LRMDA: variants seen among roughly 807,000 people sequenced by gnomAD.
LRMDA encodes the protein leucine rich melanocyte differentiation associated.
LRMDA carries 18 observed loss-of-function variants against 29.8 expected under a neutral mutation model. That is an observed-to-expected ratio of 0.60 (90% CI 0.42 to 0.90). LRMDA has a LOEUF of 0.90. Among genes scored for constraint, LRMDA ranks in the 40% least tolerant of loss-of-function variants. LRMDA has a pLI of 0.00. For synonymous variants in LRMDA, 125 were observed against 109.4 expected (o/e 1.14, Z -0.89); for missense variants, 273 against 273.9 (o/e 1.00, Z 0.02).
intron 5 of LRMDA, among the ~76,000 whole-genome samples, chr10:76,148,053 C>G (rs893213093): frequency 6.6e-6 from 1 of 152,144 alleles, no homozygotes; most frequent in Admixed American, 6.5e-5. Flanking sequence ...GAAGTTTTGT[C>G]TCAGAGGAGT....
intron 2 of LRMDA, among the ~76,000 whole-genome samples, chr10:75,463,975 T>C (rs1844622249): frequency 6.6e-6 from 1 of 151,802 alleles, no homozygotes; most frequent in African/African-American, 2.4e-5. Flanking sequence ...CTAATTTTTG[T>C]ATTTTTAGTA....
intron 5 of LRMDA, among the ~76,000 whole-genome samples, chr10:76,309,955 A>G: frequency 6.6e-6 from 1 of 152,232 alleles, no homozygotes; most frequent in Non-Finnish European, 1.5e-5. Flanking sequence ...TCCTAATGCG[A>G]TTAATCAAGA....
At chr10:75,494,171 A>G (rs1270936410) in intron 2 of LRMDA, among the ~76,000 whole-genome samples, 2 of 152,226 alleles carry the variant, frequency 1.3e-5, no homozygotes, top group African/African-American at 4.8e-5. Context: ...TGATGAATCC[A>G]TGTTTCTTTC....
intron 5 of LRMDA, among the ~76,000 whole-genome samples, chr10:76,260,301 G>A (rs73286994): frequency 0.012 from 1,817 of 151,934 alleles, 34 homozygotes; most frequent in African/African-American, 0.041. Context: ...GCCATTTTTT[G>A]CATGTTTTCA....
At chr10:76,323,505 A>T (rs1021851647) in intron 5 of LRMDA, among the ~76,000 whole-genome samples, 1 of 152,184 alleles carries the variant, frequency 6.6e-6, no homozygotes, top group Non-Finnish European at 1.5e-5. Flanking sequence ...ATATTAAAAA[A>T]AAAAGCTACA....
chr10:76,453,076 A>G (rs1459500822), intron 6 of LRMDA, among the ~76,000 whole-genome samples: 1 of 152,230 alleles, frequency 6.6e-6, no homozygotes, highest in Non-Finnish European at 1.5e-5. Context: ...TATAATGTTC[A>G]CAGAGGTCTC....
chr10:76,008,686 G>A (rs935329714), intron 2 of LRMDA, among the ~76,000 whole-genome samples: 2 of 152,210 alleles, frequency 1.3e-5, no homozygotes, highest in African/African-American at 4.8e-5. Flanking sequence ...GCAGTGTTTC[G>A]GATCAGAGAA....
chr10:75,948,400 G>A (rs1414221331), intron 2 of LRMDA, among the ~76,000 whole-genome samples: 1 of 152,168 alleles, frequency 6.6e-6, no homozygotes, highest in Non-Finnish European at 1.5e-5. Context: ...GGGCATATTA[G>A]TGGTATCTTT....
chr10:75,601,536 G>T (rs1238923887), intron 2 of LRMDA, among the ~76,000 whole-genome samples: 1 of 151,946 alleles, frequency 6.6e-6, no homozygotes, highest in Admixed American at 6.6e-5. Context: ...GTTTTGTTTT[G>T]TTTTTTCTGG....
chr10:76,296,997 G>A (rs1213065272), intron 5 of LRMDA, among the ~76,000 whole-genome samples: 1 of 152,210 alleles, frequency 6.6e-6, no homozygotes, highest in African/African-American at 2.4e-5. Context: ...TTGATGGGCA[G>A]AGCCATGGAA....
At chr10:76,363,169 GAAAGAAA>G (rs1564520629) in intron 6 of LRMDA, among the ~76,000 whole-genome samples, 1,256 of 39,508 alleles carry the variant, frequency 0.032, 61 homozygotes, top group Middle Eastern at 0.077. Context: ...AAGAAAGAAA[GAAAGAAA>G]GGAGGGAGGG....
chr10:76,189,215 G>T (rs1176319372), intron 5 of LRMDA, among the ~76,000 whole-genome samples: 6 of 152,088 alleles, frequency 3.9e-5, no homozygotes, highest in Non-Finnish European at 8.8e-5. Context: ...AAATTAGCTG[G>T]GCATGGTGGT....
chr10:76,001,968 C>A (rs141988121), intron 2 of LRMDA, among the ~76,000 whole-genome samples: 12 of 152,128 alleles, frequency 7.9e-5, no homozygotes, highest in African/African-American at 2.9e-4. Context: ...GAAGAACTGC[C>A]GTTTCTACTT....
intron 2 of LRMDA, among the ~76,000 whole-genome samples, chr10:75,564,684 C>T (rs983761574): frequency 3.3e-4 from 50 of 152,346 alleles, no homozygotes; most frequent in Middle Eastern, 3.4e-3. Context: ...TGGCTGCCCT[C>T]TCTGGAGTAT....
chr10:76,506,391 G>C (rs1045462850), intron 6 of LRMDA, among the ~76,000 whole-genome samples: 1 of 152,008 alleles, frequency 6.6e-6, no homozygotes, highest in African/African-American at 2.4e-5. Flanking sequence ...GTATACACCA[G>C]CTCCATTCAT....
intron 2 of LRMDA, among the ~76,000 whole-genome samples, chr10:76,000,301 G>C (rs1387070649): frequency 6.6e-6 from 1 of 152,156 alleles, no homozygotes; most frequent in Non-Finnish European, 1.5e-5. Context: ...AATAATTAGG[G>C]AACGTGTGAA....
At chr10:76,283,111 G>A (rs1357222872) in intron 5 of LRMDA, among the ~76,000 whole-genome samples, 1 of 152,202 alleles carries the variant, frequency 6.6e-6, no homozygotes, top group Admixed American at 6.5e-5. Context: ...AGGGTGTACA[G>A]TTAGCTCCCC....
chr10:75,562,934 C>G (rs1840317838), intron 2 of LRMDA, among the ~76,000 whole-genome samples: 1 of 152,120 alleles, frequency 6.6e-6, no homozygotes, highest in Non-Finnish European at 1.5e-5. Context: ...TGAGGGTAAC[C>G]CGACCTTTCT....
At position 76,500,983 on chromosome 10, in the gene LRMDA, G is replaced by A. The variant is rs1434674025; in HGVS notation, c.602-56226G>A. Among the ~76,000 whole-genome samples, 7 of 74,034 alleles carry A rather than the reference G, an allele frequency of 9.5e-5. 3 individuals carry two copies. Among genetic ancestry groups the A allele is most frequent in the African/African-American group, 2.3e-4 (7 of 30,408 alleles). 48.6% of individuals were successfully genotyped at this position (74,034 alleles called of 152,430 possible). On this transcript the variant is annotated intron_variant, in intron 6 of 6. Coordinates refer to ENST00000611255, the MANE Select transcript of LRMDA (RefSeq NM_001305581.2). ...TGGATGATCCCATCATGTAGGTAGT[G>A]AGCATAGTACCTAAGAGGTAGTTTT... is the stretch of plus-strand genomic sequence containing the variant.
Sources: gnomAD v4.1 joint callset for allele counts (sites outside exome capture counted in the v4.1 genomes callset) on GRCh38, gnomAD v4.1.1 for gene constraint, MANE v1.5 for transcripts, NCBI Gene and HGNC (gene_info 2026-07-23, HGNC 2026-07-21) for gene names.